Variants in ABCD3 observed in about 807,000 individuals in gnomAD.
ABCD3 encodes ATP binding cassette subfamily D member 3.
In ABCD3, 41 loss-of-function variants were observed where a neutral mutation model predicts 105.5. That is an observed-to-expected ratio of 0.39 (90% CI 0.30 to 0.50). The LOEUF (loss-of-function observed/expected upper bound fraction) is 0.50, where lower values mean the gene tolerates loss of function less well. ABCD3 is among the 20% of genes least tolerant of loss of function. The pLI, the probability that ABCD3 is intolerant of heterozygous loss-of-function variation, is 0.84. For missense variants in ABCD3, 622 were observed against 806.3 expected (o/e 0.77, Z 2.77); for synonymous variants, 258 against 269.0 (o/e 0.96, Z 0.40).
intron 1 of ABCD3, among the ~76,000 whole-genome samples, chr1:94,442,990 G>A (rs1278194333): frequency 8.5e-5 from 13 of 152,102 alleles, no homozygotes; most frequent in African/African-American, 2.4e-5. Context: ...CCAATAGGGG[G>A]ATTGCTGGAT....
rs1648130696 is a variant in ABCD3, at chr1:94,466,277, A to G, written c.246+1404A>G. 2.6e-5 allele frequency among the ~76,000 whole-genome samples: 4 copies of G among 152,286 alleles called. No homozygotes were observed. In the South Asian group the frequency reaches 8.3e-4, roughly 32 times the overall value. ...ATCTGCTCCTTCCCTTATATTATAA[A>G]TGTTCTTTCTAAGTATCCTAAAGTT... On this transcript the variant is annotated intron_variant, in intron 3 of 22. Coordinates refer to ENST00000370214, the MANE Select transcript of ABCD3 (RefSeq NM_002858.4).
chr1:94,493,895 G>T (rs1157289205), intron 16 of ABCD3, among the ~76,000 whole-genome samples: 1 of 151,992 alleles, frequency 6.6e-6, no homozygotes, highest in African/African-American at 2.4e-5. Flanking sequence ...ATTGAACAAT[G>T]AGAACACATG....
the ABCD3 span, among the ~76,000 whole-genome samples, chr1:94,398,540 C>T: frequency 7.2e-5 from 11 of 152,288 alleles, no homozygotes; most frequent in Admixed American, 3.9e-4. Context: ...CCACCCCCTG[C>T]GGTTTGGTAT....
intron 16 of ABCD3, among the ~76,000 whole-genome samples, chr1:94,496,771 T>A (rs1649830170): frequency 2.2e-4 from 2 of 8,904 alleles, no homozygotes; most frequent in Non-Finnish European, 7.1e-4. Flanking sequence ...ACCAGCAAAT[T>A]TTTTTTTTTT....
At chr1:94,396,614 C>T in the ABCD3 span, among the ~76,000 whole-genome samples, 4 of 150,612 alleles carry the variant, frequency 2.7e-5, no homozygotes, top group Admixed American at 6.6e-5. Flanking sequence ...TGTGTGTGCG[C>T]GCGCGCACGT....
At chr1:94,478,715 A>C (rs1648887655) in intron 8 of ABCD3, 1 of 954,554 alleles carries the variant, frequency 1.0e-6, no homozygotes, top group Non-Finnish European at 1.5e-6. Flanking sequence ...GAAGTTCTTA[A>C]ACCATGAATA....
intron 20 of ABCD3, among the ~76,000 whole-genome samples, chr1:94,503,441 C>T (rs538995643): frequency 1.4e-3 from 218 of 152,278 alleles, no homozygotes; most frequent in South Asian, 2.7e-3. Flanking sequence ...ATACTTCCAT[C>T]TATGTTTATG....
chr1:94,514,452 T>C (rs1650836984), intron 21 of ABCD3: 1 of 152,060 alleles, frequency 6.6e-6, no homozygotes, highest in Non-Finnish European at 1.5e-5. Context: ...TTTTTTTTTT[T>C]TTGAAAATCT....
chr1:94,429,134 C>G (rs1022306897), intron 1 of ABCD3, among the ~76,000 whole-genome samples: 18 of 152,178 alleles, frequency 1.2e-4, no homozygotes, highest in Admixed American at 9.8e-4. Context: ...CATTTTGACC[C>G]TGCCTTAGAG....
chr1:94,478,829 G>T (rs911733475), intron 8 of ABCD3: 2 of 351,448 alleles, frequency 5.7e-6, no homozygotes, highest in Non-Finnish European at 9.1e-6. Flanking sequence ...TAGAGTGGGT[G>T]TAACAGTTCC....
intron 20 of ABCD3, among the ~76,000 whole-genome samples, chr1:94,506,239 T>A (rs566772611): frequency 6.6e-6 from 1 of 152,232 alleles, no homozygotes; most frequent in African/African-American, 2.4e-5. Context: ...TCTTATTTGT[T>A]TAGTGAGCTT....
At chr1:94,508,754 A>G (rs371634530) in intron 21 of ABCD3, among the ~76,000 whole-genome samples, 45 of 152,204 alleles carry the variant, frequency 3.0e-4, no homozygotes, top group Middle Eastern at 3.4e-3. Context: ...CTTTGAAGCA[A>G]TTGTGAATGG....
chr1:94,396,908 A>G, the ABCD3 span, among the ~76,000 whole-genome samples: 2 of 152,304 alleles, frequency 1.3e-5, no homozygotes, highest in African/African-American at 4.8e-5. Flanking sequence ...CTATTTTCCC[A>G]GGCTTTGCTG....
At chr1:94,453,695 G>A (rs558024534) in intron 1 of ABCD3, among the ~76,000 whole-genome samples, 1 of 150,256 alleles carries the variant, frequency 6.7e-6, no homozygotes, top group African/African-American at 2.4e-5. Flanking sequence ...GAGATAAGAA[G>A]TCTTTTACCT....
At chr1:94,427,615 T>C (rs1349287037) in intron 1 of ABCD3, among the ~76,000 whole-genome samples, 1 of 152,192 alleles carries the variant, frequency 6.6e-6, no homozygotes, top group Non-Finnish European at 1.5e-5. Flanking sequence ...TCTTCCTACA[T>C]TTTCTTTGGA....
At chr1:94,430,504 T>G (rs140133925) in intron 1 of ABCD3, among the ~76,000 whole-genome samples, 1 of 152,090 alleles carries the variant, frequency 6.6e-6, no homozygotes, top group African/African-American at 2.4e-5. Context: ...GCTGTTCTAG[T>G]GATAGTGAAT....
chr1:94,493,770 AATG>A (rs1376576019), intron 16 of ABCD3, among the ~76,000 whole-genome samples: 1 of 152,180 alleles, frequency 6.6e-6, no homozygotes, highest in Non-Finnish European at 1.5e-5. Context: ...GCCATAAAAA[AATG>A]ATGAGTTCAT....
At chr1:94,513,824 GCT>G (rs1273957561) in intron 21 of ABCD3, 2 of 151,914 alleles carry the variant, frequency 1.3e-5, no homozygotes, top group Non-Finnish European at 2.9e-5. Flanking sequence ...TCTTAAATGA[GCT>G]CTGAAAAATC....
chr1:94,515,146 G>A lies in ABCD3; in HGVS notation c.1846G>A (p.Val616Ile). The A allele has an allele frequency of 1.2e-6, 2 of 1,607,380 alleles. No homozygotes were observed. The highest frequency in any genetic ancestry group is 4.5e-5 in the East Asian group (2 of 44,648). ...ACCTAAATCATTTTCTTTGTATTAG[G>A]TTGGCATCACTCTCTTCACTGTGTC... ...EGYIYSHCRK[V>I]GITLFTVSHR... is the part of the protein sequence containing the mutation. The change falls in exon 22 of 23, where the codon GTT becomes ATT. Residue 616 changes from valine (V) to isoleucine (I), a missense_variant and splice_region_variant. This residue lies in a region of ABCD3 where 285 missense variants were observed against 352.5 expected (regional missense o/e 0.81). Coordinates refer to ENST00000370214, the MANE Select transcript of ABCD3 (RefSeq NM_002858.4).
Sources: allele counts gnomAD v4.1 joint callset (sites outside exome capture counted in the v4.1 genomes callset), GRCh38; gene constraint gnomAD v4.1.1; regional missense constraint gnomAD v4.1.1; transcripts MANE v1.5; gene names NCBI Gene and HGNC (gene_info 2026-07-23, HGNC 2026-07-21).